NCOA6: variants seen among roughly 807,000 people sequenced by gnomAD.
The protein encoded by NCOA6 is NRC RAP250.
In NCOA6, 49 loss-of-function variants were observed where a neutral mutation model predicts 171.4. The observed-to-expected ratio is 0.29, with a 90% CI of 0.23 to 0.36. The LOEUF (loss-of-function observed/expected upper bound fraction) is 0.36. Among genes scored for constraint, NCOA6 ranks in the 10% least tolerant of loss-of-function variants. The pLI is 1.00. For missense variants in NCOA6, 2,248 were observed against 2,554.5 expected (o/e 0.88, Z 2.59); for synonymous variants, 910 against 927.5 (o/e 0.98, Z 0.34).
intron 3 of NCOA6, among the ~76,000 whole-genome samples, chr20:34,781,614 GAAAACAAACTAAATCTCAAACACTA>G (rs2077518637): frequency 1.3e-5 from 2 of 152,154 alleles, no homozygotes; most frequent in African/African-American, 4.8e-5. Context: ...CTCAAACACT[GAAAACAAACTAAATCTCAAACACTA>G]ACGTGGGCCA....
rs2077954329 is a variant in NCOA6, at chr20:34,793,275, CCAAAA to C, written c.-163-717_-163-713del. Among the ~76,000 whole-genome samples the C allele has an allele frequency of 3.9e-5, 6 of 152,042 alleles. No homozygotes were observed. The South Asian group carries it at 1.2e-3, about 32-fold the overall frequency. On this transcript the variant is annotated intron_variant, in intron 1 of 14. Transcript: ENST00000359003. ...CACACTATCTGCATATGCTTAGAGC[CCAAAA>C]CAAAATATTTTGTACACATACAAAA... is the stretch of plus-strand genomic sequence containing the variant.
intron 1 of NCOA6, among the ~76,000 whole-genome samples, chr20:34,796,760 T>A (rs2078089376): frequency 6.6e-6 from 1 of 151,732 alleles, no homozygotes; most frequent in South Asian, 2.1e-4. Flanking sequence ...TGATCAGCAT[T>A]CCAGCATGCC....
chr20:34,715,351 C>A lies in NCOA6; in HGVS notation c.6163G>T (p.Val2055Leu), dbSNP rs772131777. The change falls in exon 15 of 15, where the codon GTG (valine) becomes TTG (leucine). Residue 2055 changes from valine (V) to leucine (L), a missense_variant. By Grantham distance (32) the Val-to-Leu change is conservative. Transcript: ENST00000359003. The part of the protein sequence containing the change: ...SSSTKDITSA[V>L]QSKRRKSK ...TTGGATTTTCTTCGCTTGGATTGCA[C>A]CGCACTGGTTATGTCTGTGGGGGAA... is the stretch of plus-strand genomic sequence containing the variant. The A allele has an allele frequency of 1.2e-6, 2 of 1,613,678 alleles. No homozygotes were observed. The highest frequency in any genetic ancestry group is 1.1e-5 in the South Asian group (1 of 91,074).
intron 1 of NCOA6, among the ~76,000 whole-genome samples, chr20:34,821,857 G>A (rs2079019735): frequency 6.6e-6 from 1 of 152,184 alleles, no homozygotes. Flanking sequence ...AAAGTGCTGG[G>A]ATTACAGGCG....
Position 34,714,903 on chromosome 20 carries a change from C to A in NCOA6, c.*419G>T. ...TTCTACAACAAATACATCCAAAACACTATATAATAAAATTATTTACAACAT... is the reference window on the plus strand; with the variant it reads ...TTCTACAACAAATACATCCAAAACAATATATAATAAAATTATTTACAACAT... On this transcript the variant is annotated 3_prime_UTR_variant, in exon 15 of 15. Transcript: ENST00000359003. 1 of 166,750 alleles carries A rather than the reference C, an allele frequency of 6.0e-6. No individual in the cohort carries two copies. The allele number at this position is 166,750 out of a possible 1,614,324, so 10.3% of individuals were successfully genotyped here. A position where few individuals can be genotyped will look rare whatever the true frequency, so the allele number is the denominator to read the frequency against.
At chr20:34,792,629 T>C (rs567621101) in intron 1 of NCOA6, 66 bp from the exon 2 acceptor site, 4 of 398,014 alleles carry the variant, frequency 1.0e-5, no homozygotes, top group South Asian at 1.3e-4. Context: ...CACAGTATTA[T>C]ATAGAAATTA....
At chr20:34,787,285 A>G (rs547804992) in intron 2 of NCOA6, among the ~76,000 whole-genome samples, 19 of 152,166 alleles carry the variant, frequency 1.2e-4, no homozygotes, top group Admixed American at 9.8e-4. Flanking sequence ...GCACTTTGGG[A>G]GGCTGAGGTT....
intron 3 of NCOA6, among the ~76,000 whole-genome samples, chr20:34,781,601 A>G (rs2146195011): frequency 6.6e-6 from 1 of 152,362 alleles, no homozygotes; most frequent in African/African-American, 2.4e-5. Flanking sequence ...ACTGGCAATG[A>G]AACTCAAACA....
At chr20:34,812,159 A>G (rs2078687065) in intron 1 of NCOA6, among the ~76,000 whole-genome samples, 1 of 151,902 alleles carries the variant, frequency 6.6e-6, no homozygotes, top group South Asian at 2.1e-4. Flanking sequence ...AGGCTGAGGC[A>G]TGAGAATCTC....
chr20:34,766,324 A>G (rs1003398407), intron 5 of NCOA6, among the ~76,000 whole-genome samples: 1 of 152,152 alleles, frequency 6.6e-6, no homozygotes, highest in Non-Finnish European at 1.5e-5. Context: ...CTATAGCACT[A>G]TAATTGGCTG....
intron 7 of NCOA6, 102 bp downstream of exon 7, chr20:34,757,118 T>C (rs1329995573): frequency 7.9e-7 from 1 of 1,270,976 alleles, no homozygotes; most frequent in African/African-American, 1.5e-5. Context: ...ACCAAATAAT[T>C]ATATCCTTAC....
Position 34,735,601 on chromosome 20 carries a change from G to A in NCOA6, c.5962+1089C>T, listed in dbSNP as rs375784730. ...AGAGCTTGCAGTGAGCCGAGATTGCGCCACTGCACTCCAGCCTGCGTGACA... is the reference window on the plus strand; with the variant it reads ...AGAGCTTGCAGTGAGCCGAGATTGCACCACTGCACTCCAGCCTGCGTGACA... On this transcript the variant is annotated intron_variant, in intron 12 of 14. Coordinates refer to ENST00000359003, the MANE Select transcript of NCOA6 (RefSeq NM_014071.5). Among the ~76,000 whole-genome samples the A allele has an allele frequency of 8.7e-5, 13 of 150,240 alleles. No homozygotes were observed. The East Asian group carries it at 2.2e-3, about 25-fold the overall frequency.
chr20:34,776,756 T>C, intron 3 of NCOA6: 1 of 492,864 alleles, frequency 2.0e-6, no homozygotes, highest in South Asian at 1.5e-5. Flanking sequence ...TCTAGCATAG[T>C]ACCTGGCACA....
intron 14 of NCOA6, among the ~76,000 whole-genome samples, chr20:34,722,123 G>A (rs953128298): frequency 1.4e-5 from 2 of 147,368 alleles, no homozygotes; most frequent in African/African-American, 2.5e-5. Context: ...GCTCATGCCT[G>A]TAATCCCAGC....
intron 3 of NCOA6, among the ~76,000 whole-genome samples, chr20:34,778,883 C>T (rs1248876243): frequency 4.1e-5 from 6 of 148,144 alleles, no homozygotes; most frequent in Admixed American, 6.7e-5. Flanking sequence ...GGCGTGAACC[C>T]GGGAGACGGA....
chr20:34,754,391 A>G (rs2145776900), intron 8 of NCOA6, among the ~76,000 whole-genome samples: 1 of 152,288 alleles, frequency 6.6e-6, no homozygotes, highest in East Asian at 1.9e-4. Context: ...TTTCTGTGCT[A>G]TCATAACAAA....
intron 4 of NCOA6, among the ~76,000 whole-genome samples, chr20:34,776,072 A>C (rs560233854): frequency 6.6e-6 from 1 of 152,392 alleles, no homozygotes; most frequent in East Asian, 1.9e-4. Context: ...AAAGGAATGG[A>C]GTCCAAGGCT....
intron 5 of NCOA6, among the ~76,000 whole-genome samples, chr20:34,763,124 G>C (rs1470205962): frequency 6.6e-6 from 1 of 152,056 alleles, no homozygotes; most frequent in Non-Finnish European, 1.5e-5. Context: ...AGGAATACTG[G>C]GCTTCTGAAT....
chr20:34,760,233 T>C (rs1012427550), intron 5 of NCOA6, among the ~76,000 whole-genome samples: 3 of 152,196 alleles, frequency 2.0e-5, no homozygotes, highest in Non-Finnish European at 4.4e-5. Flanking sequence ...GCTATGATCA[T>C]GCCACTGCTC....
Sources: gnomAD v4.1 joint callset for allele counts (sites outside exome capture counted in the v4.1 genomes callset) on GRCh38, gnomAD v4.1.1 for gene constraint, MANE v1.5 for transcripts, NCBI Gene and HGNC (gene_info 2026-07-23, HGNC 2026-07-21) for gene names.